LHFPL2: variants seen among roughly 807,000 people sequenced by gnomAD.
LHFPL2 encodes the protein LHFPL tetraspan subfamily member 2.
In LHFPL2, 7 loss-of-function variants were observed where a neutral mutation model predicts 17.5. The observed-to-expected ratio is 0.40, with a 90% CI of 0.23 to 0.75. The LOEUF (loss-of-function observed/expected upper bound fraction) is 0.75. Ranked by LOEUF, LHFPL2 falls within the 30% of genes least tolerant of loss-of-function variation. The pLI, the probability that LHFPL2 is intolerant of heterozygous loss-of-function variation, is 0.37. For missense variants in LHFPL2, 241 were observed against 294.8 expected (o/e 0.82, Z 1.34); for synonymous variants, 134 against 116.2 (o/e 1.15, Z -0.99).
intron 3 of LHFPL2, among the ~76,000 whole-genome samples, chr5:78,522,322 C>T (rs1301204956): frequency 6.6e-6 from 1 of 152,086 alleles, no homozygotes; most frequent in African/African-American, 2.4e-5. Context: ...CCTGTAGTCT[C>T]AGCTACTCAG....
At chr5:78,546,654 T>C (rs774979837) in intron 3 of LHFPL2, among the ~76,000 whole-genome samples, 4 of 152,254 alleles carry the variant, frequency 2.6e-5, no homozygotes, top group Admixed American at 6.5e-5. Context: ...CAGAATCACC[T>C]GCACATATGA....
intron 2 of LHFPL2, among the ~76,000 whole-genome samples, chr5:78,565,216 A>C (rs1756828661): frequency 6.6e-6 from 1 of 152,348 alleles, no homozygotes; most frequent in South Asian, 2.1e-4. Context: ...GACCATAAAA[A>C]GGCTCAAAAA....
chr5:78,497,980 C>T (rs917434445), intron 4 of LHFPL2, among the ~76,000 whole-genome samples: 11 of 152,180 alleles, frequency 7.2e-5, no homozygotes, highest in Admixed American at 1.3e-4. Flanking sequence ...CAAGACAGGC[C>T]GCGGCTGACC....
At chr5:78,565,738 A>G (rs544195980) in intron 2 of LHFPL2, among the ~76,000 whole-genome samples, 9 of 152,242 alleles carry the variant, frequency 5.9e-5, no homozygotes, top group Non-Finnish European at 1.3e-4. Context: ...ACCTTCCTCA[A>G]TACCATAGGA....
intron 2 of LHFPL2, among the ~76,000 whole-genome samples, chr5:78,584,993 GTGTTTTTTTTT>G (rs1743320397): frequency 1.2e-5 from 1 of 84,774 alleles, no homozygotes; most frequent in African/African-American, 5.0e-5. Context: ...CTGGTGCGCT[GTGTTTTTTTTT>G]TTTTTTTTTT....
intron 2 of LHFPL2, among the ~76,000 whole-genome samples, chr5:78,629,249 C>T (rs1275191326): frequency 6.6e-6 from 1 of 152,176 alleles, no homozygotes; most frequent in African/African-American, 2.4e-5. Flanking sequence ...TAAAACAATA[C>T]CTCCTATCTT....
intron 3 of LHFPL2, among the ~76,000 whole-genome samples, chr5:78,561,116 C>A (rs1350389786): frequency 6.6e-6 from 1 of 152,164 alleles, no homozygotes; most frequent in East Asian, 1.9e-4. Flanking sequence ...ACTCATTGCA[C>A]ATTTCAATTA....
chr5:78,522,245 G>T (rs1285923279), intron 3 of LHFPL2, among the ~76,000 whole-genome samples: 2 of 152,080 alleles, frequency 1.3e-5, no homozygotes, highest in African/African-American at 2.4e-5. Flanking sequence ...AGACCAGCCT[G>T]ACCAACATGG....
chr5:78,606,727 T>A (rs10051077), intron 2 of LHFPL2, among the ~76,000 whole-genome samples: 55,513 of 152,028 alleles, frequency 0.37, 11,064 homozygotes, highest in Middle Eastern at 0.48. Flanking sequence ...CAGGCTGGAG[T>A]GCAATGGCGT....
intron 3 of LHFPL2, among the ~76,000 whole-genome samples, chr5:78,513,337 A>G (rs564002091): frequency 1.3e-3 from 204 of 152,336 alleles, no homozygotes; most frequent in African/African-American, 4.5e-3. Context: ...AGTAAAAATA[A>G]TATAGTTCCC....
chr5:78,567,463 A>T (rs1484802890), intron 2 of LHFPL2, among the ~76,000 whole-genome samples: 1 of 152,056 alleles, frequency 6.6e-6, no homozygotes, highest in African/African-American at 2.4e-5. Flanking sequence ...ATATATCAGG[A>T]CTGTCAGGCA....
intron 2 of LHFPL2, among the ~76,000 whole-genome samples, chr5:78,614,260 C>A (rs879597978): frequency 6.6e-6 from 1 of 152,206 alleles, no homozygotes; most frequent in Admixed American, 6.5e-5. Flanking sequence ...TTATAGCTGG[C>A]CCCTTAGCAA....
intron 3 of LHFPL2, among the ~76,000 whole-genome samples, chr5:78,535,184 T>G (rs889461591): frequency 4.0e-5 from 6 of 151,834 alleles, no homozygotes; most frequent in Non-Finnish European, 8.8e-5. Flanking sequence ...CATCAAGGAG[T>G]GGTGTCGCCA....
At chr5:78,564,360 T>A (rs528018240) in intron 3 of LHFPL2, among the ~76,000 whole-genome samples, 2 of 152,324 alleles carry the variant, frequency 1.3e-5, no homozygotes, top group East Asian at 3.9e-4. Flanking sequence ...TAGTCAACTG[T>A]TTTTAACTTT....
At chr5:78,508,640 G>C (rs532194974) in intron 4 of LHFPL2, among the ~76,000 whole-genome samples, 5 of 152,342 alleles carry the variant, frequency 3.3e-5, no homozygotes, top group Admixed American at 1.3e-4. Context: ...TATGAGGCCA[G>C]CTAGAGTGAA....
chr5:78,636,686 T>C (rs1372659141), intron 1 of LHFPL2, among the ~76,000 whole-genome samples: 1 of 152,188 alleles, frequency 6.6e-6, no homozygotes, highest in Non-Finnish European at 1.5e-5. Flanking sequence ...GGAAAATCAC[T>C]ATCGAGACAT....
rs1757099627 is a variant in LHFPL2 at position 78,575,243 on chromosome 5, C to T, written c.-244-10372G>A. On this transcript the variant is annotated intron_variant, in intron 2 of 4. Transcript: ENST00000380345. ...AAGGGTTTTGCTGTAAATAAACAAA[C>T]ACCTTGAAAACCACCACATGGAGGG... 2.6e-5 allele frequency among the ~76,000 whole-genome samples: 4 copies of T among 152,276 alleles called. No individual in the cohort carries two copies. In the South Asian group the frequency reaches 8.3e-4, roughly 32 times the overall value.
intron 2 of LHFPL2, among the ~76,000 whole-genome samples, chr5:78,595,593 C>G (rs1411863735): frequency 6.6e-6 from 1 of 152,178 alleles, no homozygotes; most frequent in Non-Finnish European, 1.5e-5. Context: ...CTTACTGCAG[C>G]CTTGAACTCC....
At chr5:78,591,793 G>GA (rs1743635582) in intron 2 of LHFPL2, among the ~76,000 whole-genome samples, 1 of 152,232 alleles carries the variant, frequency 6.6e-6, no homozygotes, top group Non-Finnish European at 1.5e-5. Flanking sequence ...TGCAGAAACA[G>GA]AAAGGAAGCT....
Sources: allele counts gnomAD v4.1 joint callset (sites outside exome capture counted in the v4.1 genomes callset), GRCh38; gene constraint gnomAD v4.1.1; transcripts MANE v1.5; gene names NCBI Gene and HGNC (gene_info 2026-07-23, HGNC 2026-07-21).